DPH5: variants seen among roughly 807,000 people sequenced by gnomAD.
DPH5 encodes the protein diphthamide biosynthesis 5, also known as diphthine methyl ester synthase.
In DPH5, 31 loss-of-function variants were observed where a neutral mutation model predicts 31.6. That is an observed-to-expected ratio of 0.98 (90% confidence interval 0.74 to 1.32). The LOEUF (loss-of-function observed/expected upper bound fraction) is 1.32. Among genes scored for constraint, DPH5 ranks in the 40% most tolerant of loss-of-function variants. The pLI is 0.00. For synonymous variants in DPH5, 120 were observed against 115.0 expected (o/e 1.04, Z -0.28); for missense variants, 309 against 335.7 (o/e 0.92, Z 0.62).
At chr1:100,992,434 T>C (rs1013350082) in intron 7 of DPH5, among the ~76,000 whole-genome samples, 3 of 152,200 alleles carry the variant, frequency 2.0e-5, no homozygotes, top group Non-Finnish European at 4.4e-5. Flanking sequence ...AATTATACTA[T>C]AAAAGAATGC....
At position 101,021,750 on chromosome 1, in the gene DPH5, T is replaced by C; in HGVS notation, c.151A>G (p.Arg51Gly). Reference sequence around the variant, plus strand: ...TCTCTATCAGCAACAACCAATTTTCTTCCATAAAACTCTTCCTACAGATAT... The same window carrying C: ...TCTCTATCAGCAACAACCAATTTTCCTCCATAAAACTCTTCCTACAGATAT... ...GKEALEEFYG[R>G]KLVVADREEV... Residue 51 changes from arginine to glycine, a missense_variant, in exon 3 of 8, where the codon AGA becomes GGA. Coordinates refer to ENST00000370109, the MANE Select transcript of DPH5 (RefSeq NM_015958.3). 2 of 1,612,332 alleles carry C rather than the reference T, an allele frequency of 1.2e-6. No homozygotes were observed. The highest frequency in any genetic ancestry group is 1.7e-6 in the Non-Finnish European group (2 of 1,179,152).
intron 5 of DPH5, among the ~76,000 whole-genome samples, chr1:100,999,604 G>A (rs916637972): frequency 1.5e-4 from 23 of 152,162 alleles, no homozygotes; most frequent in Non-Finnish European, 3.1e-4. Context: ...ACTTTGGGGG[G>A]CAGAGGCGGG....
At chr1:101,010,562 T>C (rs1193923695) in intron 4 of DPH5, among the ~76,000 whole-genome samples, 1 of 152,194 alleles carries the variant, frequency 6.6e-6, no homozygotes, top group Non-Finnish European at 1.5e-5. Flanking sequence ...GGTTGATAAA[T>C]TGATAGCTGA....
chr1:101,025,414 T>G lies in DPH5; in HGVS notation c.30A>C (p.Gly10=), dbSNP rs543567903. The change falls in exon 2 of 8, where the codon GGA becomes GGC. Residue 10 remains glycine, a synonymous_variant. Transcript: ENST00000370109. ...CCTTGACTGTGATGTCCTTGGCATC[T>G]CCCAGGCCCAACCCGATGAGATAAA... MLYLIGLGL[G]DAKDITVKGL... is the part of the protein sequence containing the mutation. 1.9e-6 allele frequency: 3 copies of G among 1,614,172 alleles called. No individual in the cohort carries two copies. The highest frequency in any genetic ancestry group is 2.2e-5 in the South Asian group (2 of 91,086).
At chr1:101,003,452 T>C (rs1255569320) in intron 4 of DPH5, among the ~76,000 whole-genome samples, 1 of 152,218 alleles carries the variant, frequency 6.6e-6, no homozygotes, top group African/African-American at 2.4e-5. Context: ...CTTGCTCATG[T>C]CTCATACAGC....
intron 3 of DPH5, among the ~76,000 whole-genome samples, chr1:101,015,153 A>G (rs929652010): frequency 6.6e-6 from 1 of 152,196 alleles, no homozygotes; most frequent in Non-Finnish European, 1.5e-5. Context: ...AATCCTTTCC[A>G]GAAGGTTTTC....
chr1:100,994,635 T>C (rs766009962), intron 6 of DPH5, among the ~76,000 whole-genome samples: 1 of 151,856 alleles, frequency 6.6e-6, no homozygotes, highest in Non-Finnish European at 1.5e-5. Context: ...CAAGCGATTC[T>C]CGTGCCTCAA....
rs781443324 is a variant in DPH5 at position 101,025,375 on chromosome 1, A to G, written c.69T>C (p.Val23=). 6 of 1,614,224 alleles carry G rather than the reference A, an allele frequency of 3.7e-6. No individual in the cohort carries two copies. Among genetic ancestry groups the G allele is most frequent in the Non-Finnish European group, 5.1e-6 (6 of 1,180,036 alleles). The change falls in exon 2 of 8, where the codon GTT becomes GTC. Residue 23 remains valine (V), a synonymous_variant. Coordinates refer to ENST00000370109, the MANE Select transcript of DPH5 (RefSeq NM_015958.3). The stretch of plus-strand genomic sequence containing the variant: ...CCAGATACACTCGACTGCAGCGTCT[A>G]ACAACTTCCAGGCCCTTGACTGTGA... ...KDITVKGLEV[V]RRCSRVYLEA...
chr1:100,991,504 T>C (rs1657701214), intron 7 of DPH5, among the ~76,000 whole-genome samples: 1 of 152,082 alleles, frequency 6.6e-6, no homozygotes, highest in African/African-American at 2.4e-5. Flanking sequence ...CAAGAATCTC[T>C]TGACTGGGTG....
intron 5 of DPH5, 33 bp from the exon 6 acceptor site, chr1:100,995,182 A>C (rs1405530882): frequency 6.8e-7 from 1 of 1,478,362 alleles, no homozygotes; most frequent in Non-Finnish European, 9.4e-7. Context: ...TTTTAATTTA[A>C]TTAAAAGCTT....
chr1:101,025,430 A>C lies in DPH5; in HGVS notation c.14T>G (p.Ile5Ser). The C allele has an allele frequency of 6.2e-7, 1 of 1,614,164 alleles. No individual in the cohort carries two copies. Among genetic ancestry groups the C allele is most frequent in the Non-Finnish European group, 8.5e-7 (1 of 1,180,032 alleles). Reference protein sequence around the residue: MLYLIGLGLGDAKDI... With the variant: MLYLSGLGLGDAKDI... ...CTTGGCATCTCCCAGGCCCAACCCG[A>C]TGAGATAAAGCATTTCAAACTTGAG... is the stretch of plus-strand genomic sequence containing the variant. Residue 5 changes from isoleucine (I) to serine (S), a missense_variant, in exon 2 of 8, where the codon ATC becomes AGC. Transcript: ENST00000370109.
At chr1:101,022,466 T>A (rs1482745943) in intron 2 of DPH5, among the ~76,000 whole-genome samples, 1 of 152,226 alleles carries the variant, frequency 6.6e-6, no homozygotes, top group Non-Finnish European at 1.5e-5. Flanking sequence ...GAGAGTGAGC[T>A]AGTAAGCTAG....
At chr1:101,021,293 T>C (rs1295266303) in intron 3 of DPH5, among the ~76,000 whole-genome samples, 2 of 152,038 alleles carry the variant, frequency 1.3e-5, no homozygotes, top group African/African-American at 4.8e-5. Flanking sequence ...CAGCAGAAAA[T>C]GGCAGGCATG....
intron 4 of DPH5, among the ~76,000 whole-genome samples, chr1:101,011,168 A>T (rs1406575005): frequency 6.6e-6 from 1 of 152,236 alleles, no homozygotes; most frequent in Non-Finnish European, 1.5e-5. Flanking sequence ...ATTATGCAGG[A>T]TATCTATACA....
intron 4 of DPH5, among the ~76,000 whole-genome samples, chr1:101,011,171 T>G (rs939798667): frequency 6.6e-6 from 1 of 152,244 alleles, no homozygotes; most frequent in Admixed American, 6.5e-5. Flanking sequence ...ATGCAGGATA[T>G]CTATACATTT....
At chr1:101,021,403 T>C (rs1475503228) in intron 3 of DPH5, among the ~76,000 whole-genome samples, 1 of 152,260 alleles carries the variant, frequency 6.6e-6, no homozygotes, top group Admixed American at 6.5e-5. Context: ...TGATACAAAC[T>C]TTAGAGTTGA....
At chr1:101,001,340 C>T (rs188126892) in intron 5 of DPH5, 127 bp downstream of exon 5, 25 of 864,798 alleles carry the variant, frequency 2.9e-5, no homozygotes, top group Non-Finnish European at 2.6e-5. Context: ...GTGTGGTCTG[C>T]ATAGAATGGC....
At chr1:101,018,446 C>T (rs1345162605) in intron 3 of DPH5, among the ~76,000 whole-genome samples, 1 of 152,042 alleles carries the variant, frequency 6.6e-6, no homozygotes. Context: ...GCCACATTGC[C>T]CAGGCTGGTT....
chr1:100,995,081 A>G, intron 6 of DPH5, 29 bp downstream of exon 6: 1 of 1,500,516 alleles, frequency 6.7e-7, no homozygotes, highest in African/African-American at 1.4e-5. Context: ...AATAAAACAC[A>G]TGTATGCATT....
Sources: allele counts gnomAD v4.1 joint callset (sites outside exome capture counted in the v4.1 genomes callset), GRCh38; gene constraint gnomAD v4.1.1; transcripts MANE v1.5; gene names NCBI Gene and HGNC (gene_info 2026-07-23, HGNC 2026-07-21).